Variants in KAZN observed in about 807,000 individuals in gnomAD.
The protein encoded by KAZN is kazrin.
In KAZN, 40 loss-of-function variants were observed where a neutral mutation model predicts 87.4. The observed-to-expected ratio is 0.46, with a 90% CI of 0.36 to 0.60. The LOEUF (loss-of-function observed/expected upper bound fraction) is 0.60. KAZN is among the 20% of genes least tolerant of loss of function. The pLI, the probability that KAZN is intolerant of heterozygous loss-of-function variation, is 0.00. For synonymous variants in KAZN, 466 were observed against 458.3 expected (o/e 1.02, Z -0.22); for missense variants, 898 against 1,073.9 (o/e 0.84, Z 2.29).
At chr1:14,369,276 T>C (rs1383011938) in intron 2 of KAZN, among the ~76,000 whole-genome samples, 1 of 152,184 alleles carries the variant, frequency 6.6e-6, no homozygotes, top group East Asian at 1.9e-4. Flanking sequence ...ATGTCAAAAA[T>C]GTATCGTTCG....
At chr1:14,231,396 T>C (rs1429729589) in intron 2 of KAZN, among the ~76,000 whole-genome samples, 1 of 750 alleles carries the variant, frequency 1.3e-3, no homozygotes, top group African/African-American at 5.1e-3. Context: ...CTCTATCTCA[T>C]TTTTTTTTTT....
chr1:14,788,956 T>C (rs1288351914), intron 1 of KAZN, among the ~76,000 whole-genome samples: 2 of 152,158 alleles, frequency 1.3e-5, no homozygotes, highest in African/African-American at 2.4e-5. Flanking sequence ...CAGTTACCTT[T>C]ACCTGGGAAG....
At chr1:14,635,846 C>A (rs1487733199) in intron 1 of KAZN, among the ~76,000 whole-genome samples, 1 of 152,182 alleles carries the variant, frequency 6.6e-6, no homozygotes, top group Non-Finnish European at 1.5e-5. Context: ...CAGCCCTCTA[C>A]CCAGCATGCC....
chr1:14,395,625 TC>T (rs1662830305), intron 2 of KAZN, among the ~76,000 whole-genome samples: 1 of 152,112 alleles, frequency 6.6e-6, no homozygotes, highest in African/African-American at 2.4e-5. Context: ...TGATTTTCAG[TC>T]CCCTGCTGGT....
chr1:14,834,356 CTTTTTTTTTT>C (rs34228625), intron 1 of KAZN, among the ~76,000 whole-genome samples: 1 of 88,640 alleles, frequency 1.1e-5, no homozygotes, highest in Admixed American at 1.3e-4. Flanking sequence ...AAGTCACTTC[CTTTTTTTTTT>C]TTTTTTTTTT....
intron 2 of KAZN, among the ~76,000 whole-genome samples, chr1:14,499,845 G>A (rs1432270121): frequency 4.6e-5 from 7 of 152,072 alleles, no homozygotes; most frequent in South Asian, 4.1e-4. Flanking sequence ...TGAGCTTAGC[G>A]GTGTGCTCAC....
intron 2 of KAZN, among the ~76,000 whole-genome samples, chr1:14,402,088 TAA>T (rs36103725): frequency 0.89 from 134,097 of 150,446 alleles, 59,864 homozygotes; most frequent in East Asian, 0.97. Context: ...TGAGTCTATG[TAA>T]AAAAAAAAAA....
At chr1:14,036,924 C>T (rs4662080) in intron 1 of KAZN, among the ~76,000 whole-genome samples, 110,565 of 150,626 alleles carry the variant, frequency 0.73, 40,582 homozygotes, top group Admixed American at 0.83. Context: ...GGATTACAGG[C>T]GTGCACCACC....
At chr1:14,017,553 G>A (rs770182200) in intron 1 of KAZN, among the ~76,000 whole-genome samples, 4 of 152,202 alleles carry the variant, frequency 2.6e-5, no homozygotes, top group Non-Finnish European at 4.4e-5. Context: ...AGGGCATCAC[G>A]TAAGAGGTGA....
intron 2 of KAZN, among the ~76,000 whole-genome samples, chr1:14,390,170 C>T (rs929277310): frequency 2.6e-5 from 4 of 152,002 alleles, no homozygotes; most frequent in South Asian, 2.1e-4. Context: ...ATTTTAATTG[C>T]GATTAATCAT....
At chr1:14,868,221 C>T (rs1225666426) in intron 1 of KAZN, among the ~76,000 whole-genome samples, 3 of 152,038 alleles carry the variant, frequency 2.0e-5, no homozygotes, top group African/African-American at 7.2e-5. Flanking sequence ...GCATCGCATA[C>T]GCAGGCATTG....
At position 14,514,595 on chromosome 1, in the gene KAZN, T is replaced by TTA. The variant is rs754845099; in HGVS notation, c.250-84344_250-84343dup. ...TATATTTTATATATTTTTTTATATT[T>TTA]TATATATATATATATATATATATAT... On this transcript the variant is annotated intron_variant, in intron 2 of 16. Coordinates refer to the KAZN transcript ENST00000636203. Among the ~76,000 whole-genome samples the TTA allele has an allele frequency of 3.7e-3, 244 of 66,492 alleles. 5 individuals are homozygous for TTA. The highest frequency in any genetic ancestry group is 0.012 in the Middle Eastern group (1 of 82). The allele number at this position is 66,492 out of a possible 152,430, so 43.6% of individuals were successfully genotyped here.
chr1:14,226,639 A>G (rs141924247), intron 2 of KAZN, among the ~76,000 whole-genome samples: 1 of 152,330 alleles, frequency 6.6e-6, no homozygotes, highest in African/African-American at 2.4e-5. Context: ...TAGCAAAGAC[A>G]TAGAATCAAC....
intron 2 of KAZN, among the ~76,000 whole-genome samples, chr1:14,569,790 C>A (rs1000877917): frequency 6.6e-6 from 1 of 152,048 alleles, no homozygotes; most frequent in Non-Finnish European, 1.5e-5. Flanking sequence ...CAGTTAGGAG[C>A]TGAATCCTTA....
intron 1 of KAZN, among the ~76,000 whole-genome samples, chr1:13,933,553 A>G (rs1318882225): frequency 6.6e-6 from 1 of 152,202 alleles, no homozygotes; most frequent in Non-Finnish European, 1.5e-5. Flanking sequence ...TCCTTCATTC[A>G]TTGGACAAGT....
At chr1:14,927,062 G>A (rs903818463) in intron 1 of KAZN, among the ~76,000 whole-genome samples, 7 of 152,170 alleles carry the variant, frequency 4.6e-5, no homozygotes, top group African/African-American at 1.7e-4. Context: ...GGTGCAGACA[G>A]TGGATGTTTG....
chr1:15,027,207 C>G (rs536524503), intron 2 of KAZN, among the ~76,000 whole-genome samples: 1 of 151,366 alleles, frequency 6.6e-6, no homozygotes, highest in Non-Finnish European at 1.5e-5. Flanking sequence ...TCAGCCTCCC[C>G]AGTAGCTGGG....
intron 1 of KAZN, among the ~76,000 whole-genome samples, chr1:14,115,666 A>G (rs1269955549): frequency 6.6e-6 from 1 of 152,252 alleles, no homozygotes; most frequent in Non-Finnish European, 1.5e-5. Flanking sequence ...GTGGGATGCC[A>G]CTGAAAAAAT....
At chr1:14,408,558 G>A (rs542421615) in intron 2 of KAZN, among the ~76,000 whole-genome samples, 7 of 152,226 alleles carry the variant, frequency 4.6e-5, no homozygotes, top group South Asian at 2.1e-4. Context: ...GGTGAGGGCC[G>A]TCTCCCAGGT....
Sources: gnomAD v4.1 joint callset for allele counts (sites outside exome capture counted in the v4.1 genomes callset) on GRCh38, gnomAD v4.1.1 for gene constraint, MANE v1.5 for transcripts, NCBI Gene and HGNC (gene_info 2026-07-23, HGNC 2026-07-21) for gene names.